RPGRIP1: variants seen among roughly 807,000 people sequenced by gnomAD.
The protein encoded by RPGRIP1 is X-linked retinitis pigmentosa GTPase regulator-interacting protein 1.
A neutral mutation model predicts 157.9 loss-of-function variants in RPGRIP1; 128 were observed. The ratio of observed to expected loss-of-function variants is 0.81; its 90% confidence interval spans 0.70 to 0.94. The LOEUF (loss-of-function observed/expected upper bound fraction) is 0.94, where lower values mean the gene tolerates loss of function less well. Among genes scored for constraint, RPGRIP1 ranks in the 40% least tolerant of loss-of-function variants. The pLI is 0.00. For missense variants in RPGRIP1, 1,486 were observed against 1,545.8 expected (o/e 0.96, Z 0.65); for synonymous variants, 554 against 571.6 (o/e 0.97, Z 0.44).
intron 17 of RPGRIP1, 57 bp from the exon 18 acceptor site, chr14:21,327,566 A>G: frequency 2.8e-6 from 4 of 1,449,896 alleles, no homozygotes; most frequent in Non-Finnish European, 3.9e-6. Flanking sequence ...GTGCTGACAA[A>G]TGCTCACTTG....
intron 4 of RPGRIP1, among the ~76,000 whole-genome samples, chr14:21,302,006 C>A (rs1755334987): frequency 6.6e-6 from 1 of 152,146 alleles, no homozygotes; most frequent in African/African-American, 2.4e-5. Context: ...CACAGCATTT[C>A]ATTAAGTACT....
intron 7 of RPGRIP1, 134 bp from the exon 8 acceptor site, chr14:21,310,450 T>TA: frequency 3.6e-6 from 2 of 554,494 alleles, no homozygotes; most frequent in Non-Finnish European, 6.3e-6. Context: ...CAACAATTAG[T>TA]AAACAAGTAC....
chr14:21,340,498 T>C (rs1279978773), intron 21 of RPGRIP1, among the ~76,000 whole-genome samples: 1 of 151,816 alleles, frequency 6.6e-6, no homozygotes. Flanking sequence ...CTACTGAAAA[T>C]ATAAAAATTA....
intron 7 of RPGRIP1, among the ~76,000 whole-genome samples, chr14:21,308,511 G>A (rs1881410578): frequency 6.6e-6 from 1 of 152,150 alleles, no homozygotes; most frequent in Non-Finnish European, 1.5e-5. Context: ...TCCTATGCAG[G>A]GTATGGGCAG....
chr14:21,342,709 C>T (rs1034638747), intron 21 of RPGRIP1, among the ~76,000 whole-genome samples: 1 of 152,108 alleles, frequency 6.6e-6, no homozygotes, highest in South Asian at 2.1e-4. Flanking sequence ...CCACCCTCCC[C>T]GCCGCTCCGA....
chr14:21,350,221 C>CA (rs748153102), intron 24 of RPGRIP1, among the ~76,000 whole-genome samples: 8 of 151,448 alleles, frequency 5.3e-5, no homozygotes, highest in Non-Finnish European at 1.0e-4. Flanking sequence ...ACTAAAAATA[C>CA]AAAAAAAATT....
At chr14:21,282,178 T>C (rs866820796) in intron 1 of RPGRIP1, among the ~76,000 whole-genome samples, 1 of 152,186 alleles carries the variant, frequency 6.6e-6, no homozygotes, top group Middle Eastern at 3.4e-3. Context: ...AGTAAAGGGT[T>C]CTTCACCCTC....
At chr14:21,331,152 G>T (rs1373896524) in intron 20 of RPGRIP1, among the ~76,000 whole-genome samples, 4 of 151,544 alleles carry the variant, frequency 2.6e-5, no homozygotes, top group Admixed American at 6.6e-5. Context: ...TAGGTGATCC[G>T]CCCACCTCAG....
At chr14:21,301,308 C>T in intron 4 of RPGRIP1, 71 bp downstream of exon 4, 1 of 1,473,008 alleles carries the variant, frequency 6.8e-7, no homozygotes, top group Non-Finnish European at 9.2e-7. Context: ...CCACGTTTTC[C>T]TCACTGCCTT....
Position 21,315,809 on chromosome 14 carries a change from T to A in RPGRIP1, c.1152-1887T>A, listed in dbSNP as rs200434462. ...GGTTATTATTATTATTATTATTATT[T>A]TTTTTTTGAGGCAGAGTCTCACTCT... On this transcript the variant is annotated intron_variant, in intron 10 of 24. Coordinates refer to ENST00000400017, the MANE Select transcript of RPGRIP1 (RefSeq NM_020366.4). Among the ~76,000 whole-genome samples the A allele has an allele frequency of 6.7e-3, 1,010 of 151,272 alleles. 11 individuals carry two copies. Among genetic ancestry groups the A allele is most frequent in the African/African-American group, 0.021 (884 of 41,150 alleles).
chr14:21,339,924 A>T (rs1305425088), intron 21 of RPGRIP1, among the ~76,000 whole-genome samples: 1 of 152,218 alleles, frequency 6.6e-6, no homozygotes, highest in Non-Finnish European at 1.5e-5. Flanking sequence ...AGTAAAGCAG[A>T]TAGCTCTGAG....
At chr14:21,321,061 C>G (rs1882405995) in intron 12 of RPGRIP1, among the ~76,000 whole-genome samples, 198 bp from the exon 13 acceptor site, 1 of 152,222 alleles carries the variant, frequency 6.6e-6, no homozygotes, top group Admixed American at 6.5e-5. Flanking sequence ...GTGGCTGTAT[C>G]ATCTCCCTTC....
intron 2 of RPGRIP1, among the ~76,000 whole-genome samples, chr14:21,292,781 C>T (rs1405883480): frequency 1.3e-5 from 2 of 151,518 alleles, no homozygotes; most frequent in Non-Finnish European, 2.9e-5. Context: ...GACAGGGAGA[C>T]GGAGGTTGCA....
In RPGRIP1 at chr14:21,289,902, G is replaced by C. The variant is rs539780693; in HGVS notation, c.85+1841G>C. Among the ~76,000 whole-genome samples the C allele has an allele frequency of 4.7e-3, 718 of 152,172 alleles. 2 individuals are homozygous for C. Among genetic ancestry groups the C allele is most frequent in the Non-Finnish European group, 7.0e-3 (476 of 68,010 alleles). ...GACAGATTCTTGCTTTGTCACCTAG[G>C]CTGGAGTGCAGTGGCGTGATCTCAG... is the stretch of plus-strand genomic sequence containing the variant. On this transcript the variant is annotated intron_variant, in intron 2 of 24. Transcript: ENST00000400017.
chr14:21,284,186 A>C (rs938177543), intron 1 of RPGRIP1, among the ~76,000 whole-genome samples: 8 of 152,182 alleles, frequency 5.3e-5, no homozygotes, highest in African/African-American at 1.9e-4. Context: ...AGGTGATAGA[A>C]TTTCTCCATT....
intron 24 of RPGRIP1, among the ~76,000 whole-genome samples, chr14:21,349,497 TAATC>T (rs1272027780): frequency 4.7e-5 from 7 of 150,514 alleles, no homozygotes; most frequent in Non-Finnish European, 8.9e-5. Context: ...GCCTCTTTCT[TAATC>T]AAGCGATTTT....
chr14:21,308,767 C>G (rs144609357), intron 7 of RPGRIP1, among the ~76,000 whole-genome samples: 1 of 152,052 alleles, frequency 6.6e-6, no homozygotes, highest in Non-Finnish European at 1.5e-5. Context: ...CCTCATGTGC[C>G]GGGAAAAGTG....
intron 15 of RPGRIP1, 35 bp downstream of exon 15, chr14:21,325,105 C>T: frequency 3.8e-6 from 6 of 1,567,714 alleles, no homozygotes; most frequent in South Asian, 1.2e-5. Flanking sequence ...CTCCTAAGCA[C>T]CAATGCAGAA....
At chr14:21,305,808 C>T (rs1881274513) in intron 6 of RPGRIP1, among the ~76,000 whole-genome samples, 2 of 152,086 alleles carry the variant, frequency 1.3e-5, no homozygotes, top group Admixed American at 1.3e-4. Context: ...TTGCACTGGG[C>T]CAAGATTATG....
Sources: allele counts gnomAD v4.1 joint callset (sites outside exome capture counted in the v4.1 genomes callset), GRCh38; gene constraint gnomAD v4.1.1; transcripts MANE v1.5; gene names NCBI Gene and HGNC (gene_info 2026-07-23, HGNC 2026-07-21).